Variants in CNTNAP2 observed in about 807,000 individuals in gnomAD.
CNTNAP2 encodes the protein contactin associated protein 2.
Under a neutral mutation model 155.2 loss-of-function variants are expected in CNTNAP2, and 98 were observed. The observed-to-expected ratio is 0.63, with a 90% CI of 0.54 to 0.75. The LOEUF (loss-of-function observed/expected upper bound fraction) is 0.75. CNTNAP2 is among the 30% of genes least tolerant of loss of function. The pLI, the probability that CNTNAP2 is intolerant of heterozygous loss-of-function variation, is 0.00. For synonymous variants in CNTNAP2, 651 were observed against 631.2 expected, an observed-to-expected ratio of 1.03 and a Z score of -0.47; for missense variants, 1,727 against 1,688.1, an observed-to-expected ratio of 1.02 and a Z score of -0.40.
At chr7:147,635,269 A>G (rs1355939539) in intron 12 of CNTNAP2, among the ~76,000 whole-genome samples, 1 of 150,672 alleles carries the variant, frequency 6.6e-6, no homozygotes, top group Non-Finnish European at 1.5e-5. Context: ...ATAAGCTCCA[A>G]AACTTTTTTT....
At chr7:148,188,153 C>T (rs1795149398) in intron 18 of CNTNAP2, among the ~76,000 whole-genome samples, 1 of 152,234 alleles carries the variant, frequency 6.6e-6, no homozygotes, top group Admixed American at 6.5e-5. Context: ...AGACCAGCCA[C>T]TCTTCACCCA....
At chr7:148,176,143 A>G (rs548021592) in intron 18 of CNTNAP2, among the ~76,000 whole-genome samples, 23 of 152,054 alleles carry the variant, frequency 1.5e-4, no homozygotes, top group Admixed American at 1.4e-3. Context: ...CGCACTAGTC[A>G]AAACCACACA....
At position 147,343,906 on chromosome 7, in the gene CNTNAP2, G is replaced by A. The variant is rs899599126; in HGVS notation, c.1498+43616G>A. On this transcript the variant is annotated intron_variant, in intron 9 of 23. Coordinates refer to ENST00000361727, the MANE Select transcript of CNTNAP2 (RefSeq NM_014141.6). ...TAAAGTGACCAGATTTAAAGATCAA[G>A]ACCAGTCATTTGGAGATGAAATGAA... Among the ~76,000 whole-genome samples, 3 of 152,178 alleles carry A rather than the reference G, an allele frequency of 2.0e-5. No individual in the cohort carries two copies. In the South Asian group the frequency reaches 6.2e-4, roughly 32 times the overall value.
At chr7:146,233,818 G>A (rs1024290200) in intron 1 of CNTNAP2, among the ~76,000 whole-genome samples, 3 of 151,580 alleles carry the variant, frequency 2.0e-5, no homozygotes, top group Non-Finnish European at 4.4e-5. Flanking sequence ...TGGCTGCATA[G>A]TATTCCATGG....
intron 3 of CNTNAP2, among the ~76,000 whole-genome samples, chr7:146,945,140 T>G (rs1435052418): frequency 6.6e-6 from 1 of 152,224 alleles, no homozygotes; most frequent in Non-Finnish European, 1.5e-5. Context: ...ATCATTGCAA[T>G]GGGCATCAGA....
intron 13 of CNTNAP2, among the ~76,000 whole-genome samples, chr7:147,707,701 C>T (rs1328837535): frequency 6.6e-6 from 1 of 152,184 alleles, no homozygotes; most frequent in Non-Finnish European, 1.5e-5. Flanking sequence ...TGGGCAGCAG[C>T]ATGGAATGGG....
intron 1 of CNTNAP2, among the ~76,000 whole-genome samples, chr7:146,353,910 G>A (rs535159303): frequency 1.3e-5 from 2 of 152,098 alleles, no homozygotes; most frequent in South Asian, 4.2e-4. Context: ...AGTTTATAAT[G>A]CATTAATTAC....
At position 148,350,781 on chromosome 7, in the gene CNTNAP2, A is replaced by G. The variant is rs892395896; in HGVS notation, c.3476-32868A>G. 2.6e-5 allele frequency among the ~76,000 whole-genome samples: 4 copies of G among 152,348 alleles called. No homozygotes were observed. In the East Asian group the frequency reaches 7.7e-4, roughly 29 times the overall value. On this transcript the variant is annotated intron_variant, in intron 21 of 23. Transcript: ENST00000361727. Reference sequence around the variant, plus strand: ...AGCTGTTCTTTCAAATCCCTCTGTGAGCAGCAAATGCTGTGGATTGAGATC... The same window carrying G: ...AGCTGTTCTTTCAAATCCCTCTGTGGGCAGCAAATGCTGTGGATTGAGATC...
intron 1 of CNTNAP2, among the ~76,000 whole-genome samples, chr7:146,703,906 T>C (rs1253617241): frequency 6.6e-6 from 1 of 152,150 alleles, no homozygotes; most frequent in Non-Finnish European, 1.5e-5. Flanking sequence ...CCTTCTTTGT[T>C]CCAAGTCTTC....
intron 19 of CNTNAP2, among the ~76,000 whole-genome samples, chr7:148,218,418 G>A (rs182996349): frequency 6.6e-6 from 1 of 152,184 alleles, no homozygotes; most frequent in Non-Finnish European, 1.5e-5. Context: ...TTGAAACAGG[G>A]TCTTGCTTTG....
At chr7:147,981,505 C>A (rs912867829) in intron 15 of CNTNAP2, among the ~76,000 whole-genome samples, 1 of 152,198 alleles carries the variant, frequency 6.6e-6, no homozygotes, top group African/African-American at 2.4e-5. Flanking sequence ...TGAAAAATAT[C>A]TTTCAGTTTG....
rs536481438 is a variant in CNTNAP2, at chr7:147,958,021, C to T, written c.2256-19841C>T. Among the ~76,000 whole-genome samples, 3 of 152,240 alleles carry T rather than the reference C, an allele frequency of 2.0e-5. No individual in the cohort carries two copies. The East Asian group carries it at 5.8e-4, about 29-fold the overall frequency. The stretch of plus-strand genomic sequence containing the variant: ...GCCTTGGAGGTTGAGGCTGCAGTGA[C>T]AGATGTTTGCACCACTGTACTTTAG... On this transcript the variant is annotated intron_variant, in intron 14 of 23. Coordinates refer to ENST00000361727, the MANE Select transcript of CNTNAP2 (RefSeq NM_014141.6).
chr7:146,918,476 A>G (rs371856096), intron 3 of CNTNAP2, among the ~76,000 whole-genome samples: 75 of 152,246 alleles, frequency 4.9e-4, no homozygotes, highest in African/African-American at 1.8e-3. Flanking sequence ...TTGCCTGACA[A>G]TGTTTGGTTT....
chr7:146,495,809 C>T (rs1797207003), intron 1 of CNTNAP2, among the ~76,000 whole-genome samples: 1 of 151,994 alleles, frequency 6.6e-6, no homozygotes, highest in South Asian at 2.1e-4. Flanking sequence ...ACATAGGAGA[C>T]TAAACAAGGT....
In CNTNAP2 at chr7:146,664,321, C is replaced by T. The variant is rs10233897; in HGVS notation, c.98-109950C>T. ...GGACTACAGGCACGTGCCACCATGC[C>T]GGGCTAATTTTGTATTTTCAGTAGG... On this transcript the variant is annotated intron_variant, in intron 1 of 23. Transcript: ENST00000361727. Among the ~76,000 whole-genome samples the T allele has an allele frequency of 6.3e-3, 959 of 151,858 alleles. 9 individuals are homozygous for T. Among genetic ancestry groups the T allele is most frequent in the African/African-American group, 0.022 (912 of 41,372 alleles).
At chr7:148,172,565 G>C (rs796147552) in intron 18 of CNTNAP2, 87 bp downstream of exon 18, 19 of 1,193,050 alleles carry the variant, frequency 1.6e-5, no homozygotes, top group Non-Finnish European at 2.0e-5. Context: ...ATGTAAACAA[G>C]TGTACCTTAT....
At chr7:147,300,415 T>A in intron 9 of CNTNAP2, 125 bp downstream of exon 9, 1 of 692,112 alleles carries the variant, frequency 1.4e-6, no homozygotes, top group Admixed American at 2.9e-5. Context: ...CAAAACAAAC[T>A]GTAATTCCAC....
At chr7:147,146,273 T>C (rs1801699660) in intron 8 of CNTNAP2, 1 of 155,278 alleles carries the variant, frequency 6.4e-6, no homozygotes, top group Admixed American at 6.5e-5. Flanking sequence ...CAGTCTGCCA[T>C]GCCCTGCTCT....
chr7:148,382,093 A>G (rs1799073895), intron 21 of CNTNAP2, among the ~76,000 whole-genome samples: 1 of 152,264 alleles, frequency 6.6e-6, no homozygotes, highest in African/African-American at 2.4e-5. Flanking sequence ...GCTAAAGAAG[A>G]GAGTGAAAGA....
Sources: gnomAD v4.1 joint callset for allele counts (sites outside exome capture counted in the v4.1 genomes callset) on GRCh38, gnomAD v4.1.1 for gene constraint, MANE v1.5 for transcripts, NCBI Gene and HGNC (gene_info 2026-07-23, HGNC 2026-07-21) for gene names.